Variants in HMG20A observed in about 807,000 individuals in gnomAD.
The protein encoded by HMG20A is high mobility group protein 20A.
A neutral mutation model predicts 43.9 loss-of-function variants in HMG20A; 17 were observed. The ratio of observed to expected loss-of-function variants is 0.39; its 90% CI spans 0.27 to 0.58. The LOEUF is 0.58. Among genes scored for constraint, HMG20A ranks in the 20% least tolerant of loss-of-function variants. HMG20A has a pLI of 0.59. For missense variants in HMG20A, 341 were observed against 438.2 expected (o/e 0.78, Z 1.98); for synonymous variants, 132 against 147.5 (o/e 0.89, Z 0.76).
rs763483804 is a variant in HMG20A at position 77,479,293 on chromosome 15, T to C, written c.1022T>C (p.Val341Ala). 6 of 1,614,076 alleles carry C rather than the reference T, an allele frequency of 3.7e-6. No individual in the cohort carries two copies. The highest frequency in any genetic ancestry group is 3.3e-5 in the Admixed American group (2 of 60,024). ...AACTTCATAGCTACAGTTCGAGAAG[T>C]TGTGAACAGACTCGATCGTTAGGGA... ...NENFIATVREVVNRLDR is the reference protein window; with the variant it reads ...NENFIATVREAVNRLDR Residue 341 changes from valine (V) to alanine (A), a missense_variant, in exon 9 of 10, where the codon GTT becomes GCT. Coordinates refer to ENST00000336216, the MANE Select transcript of HMG20A (RefSeq NM_001304504.2).
chr15:77,440,561 A>G (rs190641682), intron 1 of HMG20A, among the ~76,000 whole-genome samples: 20 of 152,314 alleles, frequency 1.3e-4, no homozygotes, highest in East Asian at 5.8e-4. Context: ...CACTTATGCT[A>G]TTTGTCCAAA....
Position 77,464,382 on chromosome 15 carries a change from G to T in HMG20A, c.232G>T (p.Asp78Tyr). 1 of 1,613,426 alleles carries T rather than the reference G, an allele frequency of 6.2e-7. No homozygotes were observed. The highest frequency in any genetic ancestry group is 8.5e-7 in the Non-Finnish European group (1 of 1,179,558). The change falls in exon 3 of 10, where the codon GAT becomes TAT. Residue 78 changes from aspartate (D) to tyrosine (Y), a missense_variant. This residue lies in a region of HMG20A where 220 missense variants were observed against 263.6 expected (regional missense o/e 0.83). Coordinates refer to ENST00000336216, the MANE Select transcript of HMG20A (RefSeq NM_001304504.2). ...AAEGNEQRHE[D>Y]EQRSKRGGWS... The stretch of plus-strand genomic sequence containing the variant: ...AGAAGGCAATGAACAGAGGCATGAA[G>T]ATGAGGTAAGCTGAAGTATCTCCTT...
intron 1 of HMG20A, 103 bp from the exon 2 acceptor site, chr15:77,458,301 T>TA: frequency 1.4e-6 from 1 of 702,968 alleles, no homozygotes; most frequent in East Asian, 2.7e-5. Context: ...TTTTATTCTG[T>TA]TGCTTATATG....
chr15:77,432,969 T>C (rs889587591), intron 1 of HMG20A, among the ~76,000 whole-genome samples: 71 of 152,196 alleles, frequency 4.7e-4, no homozygotes, highest in African/African-American at 1.6e-3. Flanking sequence ...TTAGATGAAA[T>C]GGACAAATTG....
At chr15:77,517,997 A>C in the HMG20A span, among the ~76,000 whole-genome samples, 2 of 124,330 alleles carry the variant, frequency 1.6e-5, no homozygotes, top group Non-Finnish European at 3.7e-5. Context: ...AATGCCTGTC[A>C]TTAGCAGATG....
rs1002020846 is a variant in HMG20A at position 77,464,342 on chromosome 15, G to A, written c.192G>A (p.Glu64=). The A allele has an allele frequency of 1.2e-6, 2 of 1,613,864 alleles. No homozygotes were observed. Among genetic ancestry groups the A allele is most frequent in the African/African-American group, 2.7e-5 (2 of 75,012 alleles). The part of the protein sequence containing the change: ...DLSQGQLLQS[E]SSNAAEGNEQ... ...CTCAAGGTCAGTTGCTTCAGAGTGA[G>A]TCTTCAAATGCAGCAGAAGGCAATG... The change falls in exon 3 of 10, where the codon GAG becomes GAA. Residue 64 remains glutamate, a synonymous_variant. Transcript: ENST00000336216.
At chr15:77,498,838 A>G in the HMG20A span, among the ~76,000 whole-genome samples, 1 of 152,218 alleles carries the variant, frequency 6.6e-6, no homozygotes, top group Admixed American at 6.5e-5. Context: ...ACCCCTTCGG[A>G]TCTCCATCTC....
chr15:77,471,917 T>G, intron 6 of HMG20A, 103 bp downstream of exon 6: 1 of 636,280 alleles, frequency 1.6e-6, no homozygotes. Flanking sequence ...GCAAAGTATT[T>G]CCTATCTCGT....
intron 1 of HMG20A, among the ~76,000 whole-genome samples, chr15:77,438,522 A>G (rs2073575077): frequency 6.6e-6 from 1 of 152,230 alleles, no homozygotes; most frequent in African/African-American, 2.4e-5. Context: ...TAGGTTATAC[A>G]CATCTATTAT....
chr15:77,435,446 G>A (rs1042181236), intron 1 of HMG20A, among the ~76,000 whole-genome samples: 2 of 152,016 alleles, frequency 1.3e-5, no homozygotes, highest in African/African-American at 2.4e-5. Context: ...ACCATGCCTG[G>A]CTAAATTCTT....
intron 1 of HMG20A, among the ~76,000 whole-genome samples, chr15:77,438,819 TCTC>T (rs1355177163): frequency 6.6e-6 from 1 of 151,724 alleles, no homozygotes; most frequent in Non-Finnish European, 1.5e-5. Context: ...TGAGACGGAG[TCTC>T]CTCTGTCACC....
At chr15:77,508,506 A>G in the HMG20A span, among the ~76,000 whole-genome samples, 1 of 152,176 alleles carries the variant, frequency 6.6e-6, no homozygotes, top group South Asian at 2.1e-4. Context: ...GGAAAGACTA[A>G]GTGACTGATC....
At chr15:77,428,272 A>G (rs749696293) in intron 1 of HMG20A, among the ~76,000 whole-genome samples, 4 of 152,158 alleles carry the variant, frequency 2.6e-5, no homozygotes, top group Non-Finnish European at 4.4e-5. Flanking sequence ...GGTAACAAAG[A>G]AGGAGGAAGG....
At chr15:77,459,232 G>A (rs950368992) in intron 2 of HMG20A, among the ~76,000 whole-genome samples, 2 of 151,994 alleles carry the variant, frequency 1.3e-5, no homozygotes, top group Non-Finnish European at 2.9e-5. Context: ...GTTGATATCC[G>A]CCTTTGACCT....
chr15:77,499,340 G>A, the HMG20A span, among the ~76,000 whole-genome samples: 2 of 152,080 alleles, frequency 1.3e-5, no homozygotes, highest in African/African-American at 4.8e-5. Context: ...CTGGCATCCT[G>A]CAGAATCCTC....
chr15:77,517,809 C>T, the HMG20A span, among the ~76,000 whole-genome samples: 840 of 152,066 alleles, frequency 5.5e-3, 5 homozygotes, highest in African/African-American at 0.018. Flanking sequence ...AGACACTTCG[C>T]ATACACTGTG....
intron 2 of HMG20A, among the ~76,000 whole-genome samples, chr15:77,462,772 C>CTTTTTTTTTTTTTTT (rs71145836): frequency 2.3e-5 from 3 of 127,788 alleles, no homozygotes; most frequent in Non-Finnish European, 3.3e-5. Context: ...TTTTCTTTTT[C>CTTTTTTTTTTTTTTT]TTTTTTTTTT....
chr15:77,475,015 A>G (rs958632162), intron 6 of HMG20A, among the ~76,000 whole-genome samples: 2 of 152,224 alleles, frequency 1.3e-5, no homozygotes, highest in South Asian at 2.1e-4. Flanking sequence ...GAAAGTGTCT[A>G]TATCTCATGT....
rs114110894 is a variant in HMG20A, at chr15:77,430,049, T to G, written c.-5+9045T>G. 3.6e-3 allele frequency among the ~76,000 whole-genome samples: 550 copies of G among 152,336 alleles called. 2 individuals are homozygous for G. Among genetic ancestry groups the G allele is most frequent in the African/African-American group, 0.011 (442 of 41,582 alleles). On this transcript the variant is annotated intron_variant, in intron 1 of 9. Coordinates refer to ENST00000336216, the MANE Select transcript of HMG20A (RefSeq NM_001304504.2). ...ATCTGAGCTTCATCACTTACTAATA[T>G]GTGGTCTTGAAAAGGAAATGGAGGA...
Sources: gnomAD v4.1 joint callset for allele counts (sites outside exome capture counted in the v4.1 genomes callset) on GRCh38, gnomAD v4.1.1 for gene constraint, gnomAD v4.1.1 regional missense constraint, MANE v1.5 for transcripts, NCBI Gene and HGNC (gene_info 2026-07-23, HGNC 2026-07-21) for gene names.